The following ACOT11 variants were observed in gnomAD, a reference collection of about 807,000 sequenced individuals.
ACOT11 encodes acyl-coenzyme A thioesterase 11.
A neutral mutation model predicts 77.5 loss-of-function variants in ACOT11; 69 were observed. That is an observed-to-expected ratio of 0.89 (90% CI 0.73 to 1.09). ACOT11 has a LOEUF of 1.09. Ranked by LOEUF, ACOT11 falls within the 50% of genes least tolerant of loss-of-function variation. The pLI, the probability that ACOT11 is intolerant of heterozygous loss-of-function variation, is 0.00. For missense variants in ACOT11, 766 were observed against 813.7 expected (o/e 0.94, Z 0.71); for synonymous variants, 279 against 313.0 (o/e 0.89, Z 1.15).
downstream of ACOT11, chr1:54,612,714 C>A (rs1557670192): frequency 2.5e-6 from 4 of 1,609,566 alleles, no homozygotes; most frequent in Non-Finnish European, 3.4e-6. Context: ...CAGGAACCTG[C>A]AAAAAAATCA....
Position 54,609,114 on chromosome 1 carries a change from TGCCCTCAGTG to T in ACOT11, c.*6_*15del, listed in dbSNP as rs771694767. The T allele has an allele frequency of 6.8e-6, 11 of 1,614,020 alleles. No homozygotes were observed. In the South Asian group the frequency reaches 1.2e-4, roughly 18 times the overall value. ...GCCCCCAGCCTCCAGACCCTCTAGA[TGCCCTCAGTG>T]GCCACATCATGCCCACTCCCACTCC... On this transcript the variant is annotated 3_prime_UTR_variant, in exon 16 of 16. Coordinates refer to ENST00000343744, the MANE Select transcript of ACOT11 (RefSeq NM_147161.4).
intron 1 of ACOT11, among the ~76,000 whole-genome samples, chr1:54,562,260 G>GT (rs1653537108): frequency 8.4e-6 from 1 of 118,926 alleles, no homozygotes. Flanking sequence ...GGCTGGCCAG[G>GT]CGGGGGGCTG....
At chr1:54,611,458 G>A (rs1644117307), downstream of ACOT11, 7 of 701,318 alleles carry the variant, frequency 1.0e-5, no homozygotes, top group Admixed American at 1.7e-4. Context: ...CCATCCCAGG[G>A]CCTGGCACAC....
chr1:54,622,761 C>A (rs1426377273), intron 15 of ACOT11, among the ~76,000 whole-genome samples: 2 of 147,678 alleles, frequency 1.4e-5, no homozygotes, highest in African/African-American at 5.0e-5. Context: ...GTTAACGGGA[C>A]TTTCTGCTGG....
At chr1:54,623,727 G>A (rs1644253591) in intron 15 of ACOT11, among the ~76,000 whole-genome samples, 2 of 152,180 alleles carry the variant, frequency 1.3e-5, no homozygotes. Flanking sequence ...CCCTGCTTGG[G>A]AGTCAGGAGA....
At chr1:54,562,650 C>A (rs1569655545) in intron 1 of ACOT11, among the ~76,000 whole-genome samples, 1 of 130,934 alleles carries the variant, frequency 7.6e-6, no homozygotes, top group African/African-American at 2.9e-5. Flanking sequence ...ACTTCTCAGA[C>A]GGGGTGGTTG....
At chr1:54,623,581 G>T in intron 15 of ACOT11, 2 of 495,224 alleles carry the variant, frequency 4.0e-6, no homozygotes, top group Non-Finnish European at 3.4e-6. Context: ...CTCCCTCCCC[G>T]CCCCAATCCT....
At chr1:54,582,456 T>C in intron 1 of ACOT11, 2 of 985,298 alleles carry the variant, frequency 2.0e-6, no homozygotes, top group Non-Finnish European at 2.4e-6. Flanking sequence ...GAGGAAGTGT[T>C]TGGTGAATGA....
intron 15 of ACOT11, chr1:54,619,953 C>A: frequency 2.5e-6 from 4 of 1,614,188 alleles, no homozygotes; most frequent in Non-Finnish European, 3.4e-6. Flanking sequence ...CTGGCCCAGG[C>A]TCAGCAGGTA....
intron 15 of ACOT11, chr1:54,616,289 G>GC: frequency 1.1e-6 from 1 of 880,544 alleles, no homozygotes; most frequent in Non-Finnish European, 1.7e-6. Context: ...AGTGGAAGAG[G>GC]AAAATATTCA....
intron 1 of ACOT11, among the ~76,000 whole-genome samples, chr1:54,558,429 G>A (rs962457689): frequency 1.3e-5 from 2 of 152,216 alleles, no homozygotes; most frequent in Admixed American, 6.5e-5. Context: ...TAAGTTGCCC[G>A]AGGTAACACA....
chr1:54,576,495 A>T (rs1466986251), intron 1 of ACOT11, among the ~76,000 whole-genome samples: 51 of 150,730 alleles, frequency 3.4e-4, no homozygotes, highest in African/African-American at 1.1e-3. Context: ...AAGATCTAAA[A>T]AAAAAAAAAA....
intron 1 of ACOT11, among the ~76,000 whole-genome samples, chr1:54,576,674 C>T (rs948790651): frequency 2.0e-5 from 3 of 152,038 alleles, no homozygotes; most frequent in Admixed American, 1.3e-4. Flanking sequence ...CCGGTTAATG[C>T]TTAGCTATGC....
intron 15 of ACOT11, among the ~76,000 whole-genome samples, chr1:54,623,971 A>C (rs559106653): frequency 6.6e-6 from 1 of 152,310 alleles, no homozygotes; most frequent in African/African-American, 2.4e-5. Flanking sequence ...TCTTCCTTTC[A>C]TCTGAGATTA....
chr1:54,553,630 A>G (rs986227370), intron 1 of ACOT11, among the ~76,000 whole-genome samples: 1 of 152,056 alleles, frequency 6.6e-6, no homozygotes, highest in Non-Finnish European at 1.5e-5. Context: ...CAGAACATCT[A>G]CTCTGCATTT....
intron 13 of ACOT11, among the ~76,000 whole-genome samples, chr1:54,606,031 A>G (rs1644020892): frequency 6.6e-6 from 1 of 152,156 alleles, no homozygotes; most frequent in East Asian, 1.9e-4. Context: ...ATTTTGACAA[A>G]CTGGCTTTCC....
intron 9 of ACOT11, 44 bp from the exon 10 acceptor site, chr1:54,602,625 G>T: frequency 6.8e-7 from 1 of 1,469,954 alleles, no homozygotes; most frequent in South Asian, 1.4e-5. Context: ...GGGGCAGGAC[G>T]GAGGGTGGGG....
intron 15 of ACOT11, among the ~76,000 whole-genome samples, chr1:54,629,571 C>A: frequency 7.5e-6 from 1 of 133,326 alleles, no homozygotes; most frequent in Non-Finnish European, 1.7e-5. Flanking sequence ...CAGGCGCGAG[C>A]CCCCGTGCCC....
rs1644308295 is a variant in ACOT11 at position 54,632,800 on chromosome 1, CT to C, written c.1783-1887del. ...CTGTCTGCGTGGCCAATTCAACCCG[CT>C]CAATTTAACATAGTTGGAGTTGGTA... On this transcript the variant is annotated intron_variant, in intron 16 of 16. Coordinates refer to the ACOT11 transcript ENST00000371316. Among the ~76,000 whole-genome samples the C allele has an allele frequency of 2.0e-5, 3 of 152,302 alleles. No homozygotes were observed. The South Asian group carries it at 6.2e-4, about 32-fold the overall frequency.
Sources: gnomAD v4.1 joint callset for allele counts (sites outside exome capture counted in the v4.1 genomes callset) on GRCh38, gnomAD v4.1.1 for gene constraint, MANE v1.5 for transcripts, NCBI Gene and HGNC (gene_info 2026-07-23, HGNC 2026-07-21) for gene names.